The following FAT2 variants were observed in gnomAD, a reference collection of about 807,000 sequenced individuals.
FAT2 encodes the protein protocadherin Fat 2.
FAT2 carries 150 observed loss-of-function variants against 295.3 expected under a neutral mutation model. The observed-to-expected ratio is 0.51, with a 90% CI of 0.44 to 0.58. FAT2 has a LOEUF of 0.58. FAT2 is among the 20% of genes least tolerant of loss of function. The pLI, the probability that FAT2 is intolerant of heterozygous loss-of-function variation, is 0.00. For synonymous variants in FAT2, 2,026 were observed against 2,150.3 expected (o/e 0.94, Z 1.60); for missense variants, 4,868 against 5,442.7 (o/e 0.89, Z 3.32).
At chr5:151,533,928 T>A (rs542451238) in intron 13 of FAT2, among the ~76,000 whole-genome samples, 3 of 152,256 alleles carry the variant, frequency 2.0e-5, no homozygotes, top group East Asian at 1.9e-4. Flanking sequence ...GAAAAAGAAT[T>A]AACTCCAATG....
intron 8 of FAT2, among the ~76,000 whole-genome samples, chr5:151,550,242 C>A (rs918478744): frequency 1.3e-5 from 2 of 152,160 alleles, no homozygotes; most frequent in Non-Finnish European, 2.9e-5. Flanking sequence ...TGACCCTAGT[C>A]CTTGCTCTCA....
Position 151,531,658 on chromosome 5 carries a change from C to G in FAT2, c.9740G>C (p.Gly3247Ala), listed in dbSNP as rs1407506794. Residue 3247 changes from glycine to alanine, a missense_variant, in exon 14 of 24, where the codon GGC (glycine) becomes GCC (alanine). Coordinates refer to ENST00000261800, the MANE Select transcript of FAT2 (RefSeq NM_001447.3). This position sits in a 1 kb window ranked among gnomAD's most constrained non-coding sequence, Gnocchi z 5.7. ...CACGCGGTAGCCGGTCTTCTCTGCG[C>G]CCGGGCGAGTGAGGGTGGCCAGCTG... ...VLQLATLTRP[G>A]AEKTGYRVVS... is the part of the protein sequence containing the mutation. 6.2e-7 allele frequency: 1 copy of G among 1,613,790 alleles called. No homozygotes were observed. Among genetic ancestry groups the G allele is most frequent in the South Asian group, 1.1e-5 (1 of 91,046 alleles).
At chr5:151,587,176 AC>A (rs2127664514) in intron 1 of FAT2, among the ~76,000 whole-genome samples, 1 of 151,926 alleles carries the variant, frequency 6.6e-6, no homozygotes, top group African/African-American at 2.4e-5. Flanking sequence ...CAAAAAAAAA[AC>A]AAAAAAACCC....
intron 2 of FAT2, among the ~76,000 whole-genome samples, 154 bp from the exon 3 acceptor site, chr5:151,563,793 G>A (rs554162009): frequency 2.0e-5 from 3 of 152,340 alleles, no homozygotes; most frequent in African/African-American, 4.8e-5. Context: ...CCAGTATAAT[G>A]TGGGAGATGC....
chr5:151,526,057 C>A, intron 17 of FAT2, 92 bp from the exon 18 acceptor site: 1 of 1,209,960 alleles, frequency 8.3e-7, no homozygotes. Context: ...GGAATGAGTC[C>A]TCAGCACTCT....
chr5:151,565,692 G>T lies in FAT2; in HGVS notation c.3240C>A (p.Phe1080Leu). The T allele has an allele frequency of 6.7e-7, 1 of 1,500,850 alleles. No homozygotes were observed. Among genetic ancestry groups the T allele is most frequent in the Non-Finnish European group, 9.0e-7 (1 of 1,109,686 alleles). The allele number at this position is 1,500,850 out of a possible 1,614,324, so 93.0% of individuals were successfully genotyped here. Residue 1080 changes from phenylalanine to leucine, a missense_variant, in exon 2 of 24, where the codon TTC becomes TTA. Phe to Leu is a conservative substitution (Grantham distance 22). This residue lies in a region of FAT2 where 3,297 missense variants were observed against 3,669.4 expected (regional missense o/e 0.90). Transcript: ENST00000261800. ...FLRAGTGLAA[F>L]SINQDTGMIQ... is the part of the protein sequence containing the mutation. The stretch of plus-strand genomic sequence containing the variant: ...CAGTACCTGTATCTTGGTTGATGCT[G>T]AAGGCTGCGAGTCCAGTGCCAGCAC...
intron 1 of FAT2, among the ~76,000 whole-genome samples, chr5:151,575,411 A>T (rs906570931): frequency 1.3e-5 from 2 of 152,262 alleles, no homozygotes; most frequent in African/African-American, 4.8e-5. Flanking sequence ...CCTAGTTTCA[A>T]ATGCCAGCTC....
Position 151,542,979 on chromosome 5 carries a change from C to T in FAT2, c.8148G>A (p.Val2716=). The T allele has an allele frequency of 6.2e-7, 1 of 1,614,192 alleles. No individual in the cohort carries two copies. Among genetic ancestry groups the T allele is most frequent in the Non-Finnish European group, 8.5e-7 (1 of 1,180,026 alleles). The change falls in exon 10 of 24, where the codon GTG becomes GTA. Residue 2716 remains valine, a synonymous_variant. Coordinates refer to ENST00000261800, the MANE Select transcript of FAT2 (RefSeq NM_001447.3). The part of the protein sequence containing the change: ...EGSEIGIVKA[V]AAQDPVIYSL... ...TGTAGATGACTGGATCTTGAGCTGC[C>T]ACTGCTTTAACAATCCCAATTTCAG...
intron 5 of FAT2, among the ~76,000 whole-genome samples, 165 bp from the exon 6 acceptor site, chr5:151,553,552 C>T (rs1277127403): frequency 6.6e-6 from 1 of 152,212 alleles, no homozygotes; most frequent in Non-Finnish European, 1.5e-5. Context: ...AAACAGGCAC[C>T]CTGCCAGTTG....
intron 1 of FAT2, among the ~76,000 whole-genome samples, chr5:151,586,048 C>T (rs922424677): frequency 2.6e-5 from 4 of 152,204 alleles, no homozygotes; most frequent in East Asian, 1.9e-4. Context: ...CCATCTCTAC[C>T]GCTTCCTCAG....
chr5:151,533,334 C>T (rs1252325291), intron 13 of FAT2, among the ~76,000 whole-genome samples: 1 of 151,428 alleles, frequency 6.6e-6, no homozygotes, highest in East Asian at 2.0e-4. Flanking sequence ...CCAGATCTCT[C>T]CTATCAAACC....
At chr5:151,528,249 G>A (rs1317028373) in intron 15 of FAT2, 116 bp from the exon 16 acceptor site, 1 of 1,249,466 alleles carries the variant, frequency 8.0e-7, no homozygotes, top group Non-Finnish European at 1.1e-6. Flanking sequence ...GCAGTGCCTG[G>A]ATCACAGTTG....
intron 2 of FAT2, among the ~76,000 whole-genome samples, chr5:151,565,457 G>C (rs974511754): frequency 6.6e-6 from 1 of 151,770 alleles, no homozygotes; most frequent in African/African-American, 2.4e-5. Context: ...TAATATATGT[G>C]CATATATGTG....
Position 151,548,163 on chromosome 5 carries a change from C to T in FAT2, c.4789+1132G>A, listed in dbSNP as rs534096068. ...CAAAAAGAAAAGGTAAAGCTACTGG[C>T]TTTATACAGTACCAGTAGCTACTGT... is the stretch of plus-strand genomic sequence containing the variant. On this transcript the variant is annotated intron_variant, in intron 9 of 23. Coordinates refer to ENST00000261800, the MANE Select transcript of FAT2 (RefSeq NM_001447.3). Among the ~76,000 whole-genome samples the T allele has an allele frequency of 2.6e-5, 4 of 152,192 alleles. No homozygotes were observed. In the South Asian group the frequency reaches 8.3e-4, roughly 32 times the overall value.
chr5:151,506,886 C>T (rs1299287689), intron 23 of FAT2, among the ~76,000 whole-genome samples: 1 of 152,198 alleles, frequency 6.6e-6, no homozygotes, highest in Non-Finnish European at 1.5e-5. Flanking sequence ...TTCTACCCAA[C>T]CCTATCCAGG....
At chr5:151,572,549 G>A (rs1007790319) in intron 1 of FAT2, among the ~76,000 whole-genome samples, 1 of 152,166 alleles carries the variant, frequency 6.6e-6, no homozygotes, top group African/African-American at 2.4e-5. Flanking sequence ...ACCTTAGAAA[G>A]TTACTCAATA....
intron 12 of FAT2, 139 bp downstream of exon 12, chr5:151,537,654 C>T: frequency 1.3e-6 from 1 of 790,444 alleles, no homozygotes; most frequent in East Asian, 2.6e-5. Flanking sequence ...CAGTACAATG[C>T]TTGGCACATA....
At chr5:151,537,127 G>C (rs1755405528) in intron 12 of FAT2, among the ~76,000 whole-genome samples, 1 of 151,464 alleles carries the variant, frequency 6.6e-6, no homozygotes, top group African/African-American at 2.4e-5. Context: ...TATTCCCATA[G>C]CTAGCAAAAA....
chr5:151,578,099 G>A (rs73273996), intron 1 of FAT2, among the ~76,000 whole-genome samples: 2,981 of 152,032 alleles, frequency 0.02, 102 homozygotes, highest in African/African-American at 0.068. Context: ...AGCTCTAAAC[G>A]CAGAACAGGG....
Sources: gnomAD v4.1 joint callset for allele counts (sites outside exome capture counted in the v4.1 genomes callset) on GRCh38, gnomAD v4.1.1 for gene constraint, gnomAD v4.1.1 regional missense constraint, Gnocchi (gnomAD v3.1) non-coding constraint, MANE v1.5 for transcripts, NCBI Gene and HGNC (gene_info 2026-07-23, HGNC 2026-07-21) for gene names.